Variants in JMJD1C observed in about 807,000 individuals in gnomAD.
JMJD1C encodes the protein jumonji domain containing 1C.
Under a neutral mutation model 245.3 loss-of-function variants are expected in JMJD1C, and 31 were observed. The ratio of observed to expected loss-of-function variants is 0.13; its 90% CI spans 0.09 to 0.17. The LOEUF (loss-of-function observed/expected upper bound fraction) is 0.17, where lower values mean the gene tolerates loss of function less well. Among genes scored for constraint, JMJD1C ranks in the 10% least tolerant of loss-of-function variants. JMJD1C has a pLI of 1.00. For synonymous variants in JMJD1C, 1,057 were observed against 1,017.4 expected, an observed-to-expected ratio of 1.04 and a Z score of -0.74; for missense variants, 2,691 against 3,000.2, an observed-to-expected ratio of 0.90 and a Z score of 2.41.
intron 1 of JMJD1C, among the ~76,000 whole-genome samples, chr10:63,490,735 A>C (rs763591033): frequency 5.3e-5 from 8 of 152,154 alleles, no homozygotes; most frequent in African/African-American, 9.7e-5. Flanking sequence ...TTGCTTGCTT[A>C]TTAACTGTCT....
intron 2 of JMJD1C, among the ~76,000 whole-genome samples, chr10:63,280,280 T>C (rs1217844647): frequency 3.9e-5 from 6 of 152,132 alleles, no homozygotes; most frequent in African/African-American, 1.4e-4. Context: ...CCACACGCGG[T>C]TGCTCACGCC....
chr10:63,504,630 C>T (rs1407950918), intron 1 of JMJD1C, among the ~76,000 whole-genome samples: 1 of 152,114 alleles, frequency 6.6e-6, no homozygotes, highest in Non-Finnish European at 1.5e-5. Context: ...TGTGGGCAAA[C>T]ATGAAATTTA....
chr10:63,320,507 G>A (rs1940722448), intron 2 of JMJD1C, among the ~76,000 whole-genome samples: 1 of 152,116 alleles, frequency 6.6e-6, no homozygotes, highest in Non-Finnish European at 1.5e-5. Context: ...AGACATACAG[G>A]TGGAAAATAC....
chr10:63,300,932 A>G (rs114191131), intron 2 of JMJD1C, among the ~76,000 whole-genome samples: 2,242 of 152,180 alleles, frequency 0.015, 51 homozygotes, highest in African/African-American at 0.051. Context: ...AACCATCTAT[A>G]AATGTTGAAT....
At chr10:63,203,261 T>C in intron 10 of JMJD1C, 1 of 977,066 alleles carries the variant, frequency 1.0e-6, no homozygotes, top group Non-Finnish European at 1.2e-6. Context: ...CAATTCCATA[T>C]ATATATAATT....
At chr10:63,361,076 A>T (rs1945283693) in intron 2 of JMJD1C, among the ~76,000 whole-genome samples, 1 of 152,256 alleles carries the variant, frequency 6.6e-6, no homozygotes, top group Admixed American at 6.5e-5. Context: ...TTATTTTTGA[A>T]TAACTAAATT....
chr10:63,441,620 G>A (rs1361352011), intron 1 of JMJD1C, among the ~76,000 whole-genome samples: 5 of 151,576 alleles, frequency 3.3e-5, no homozygotes, highest in African/African-American at 4.9e-5. Flanking sequence ...TTTACTTAAC[G>A]CCCTCTTCTC....
At chr10:63,463,648 A>G (rs1355414517) in intron 1 of JMJD1C, among the ~76,000 whole-genome samples, 1 of 152,234 alleles carries the variant, frequency 6.6e-6, no homozygotes, top group Admixed American at 6.5e-5. Flanking sequence ...AAATTTTCAA[A>G]TAAAGACAGA....
chr10:63,280,375 C>T (rs554898954), intron 2 of JMJD1C, among the ~76,000 whole-genome samples: 1 of 151,936 alleles, frequency 6.6e-6, no homozygotes, highest in Non-Finnish European at 1.5e-5. Flanking sequence ...TGGTGAAACC[C>T]GGTCTCTACT....
Position 63,215,031 on chromosome 10 carries a change from C to G in JMJD1C, c.1136G>C (p.Ser379Thr). The G allele has an allele frequency of 6.2e-7, 1 of 1,603,744 alleles. No individual in the cohort carries two copies. Residue 379 changes from serine to threonine, a missense_variant, in exon 8 of 26, where the codon AGT becomes ACT. This residue lies in a region of JMJD1C where 1,562 missense variants were observed against 1,490.7 expected (regional missense o/e 1.05). Coordinates refer to ENST00000399262, the MANE Select transcript of JMJD1C (RefSeq NM_032776.3). ...TCTCTTATTTGAATTTTCTGAGTCA[C>G]TGCTCTCAGAAAAGTCTGAAACATT... ...TDNVSDFSES[S>T]DSENSNKRII...
intron 2 of JMJD1C, among the ~76,000 whole-genome samples, chr10:63,365,973 A>G (rs778770144): frequency 6.6e-6 from 1 of 152,190 alleles, no homozygotes; most frequent in Non-Finnish European, 1.5e-5. Flanking sequence ...GTGATTTACA[A>G]TGGGAAGTAC....
intron 1 of JMJD1C, among the ~76,000 whole-genome samples, chr10:63,422,092 C>T (rs1950159655): frequency 6.6e-6 from 1 of 152,054 alleles, no homozygotes; most frequent in Admixed American, 6.6e-5. Context: ...GAGAGAGACA[C>T]CATTTATTAT....
rs750648019 is a variant in JMJD1C, at chr10:63,208,816, C to A, written c.2868-15G>T. ...TTTCTAATTCTCTGTAAAGAAAATA[C>A]ACAAATATTTCTGTAACCACTTTTT... On this transcript the variant is annotated splice_polypyrimidine_tract_variant and intron_variant, in intron 9 of 25. Coordinates refer to ENST00000399262, the MANE Select transcript of JMJD1C (RefSeq NM_032776.3). 12 of 1,546,400 alleles carry A rather than the reference C, an allele frequency of 7.8e-6. No individual in the cohort carries two copies. In the African/African-American group the frequency reaches 1.1e-4, roughly 14 times the overall value.
chr10:63,216,962 A>G (rs534458827), intron 5 of JMJD1C, among the ~76,000 whole-genome samples: 1 of 152,334 alleles, frequency 6.6e-6, no homozygotes, highest in African/African-American at 2.4e-5. Context: ...AATCAATTAA[A>G]AGAGTTTAAT....
chr10:63,474,369 G>T (rs1006555367), intron 1 of JMJD1C, among the ~76,000 whole-genome samples: 1 of 152,132 alleles, frequency 6.6e-6, no homozygotes, highest in Admixed American at 6.5e-5. Context: ...AAGTGTTTTA[G>T]GATGAGAGAG....
At chr10:63,309,336 T>C (rs1938787574) in intron 2 of JMJD1C, among the ~76,000 whole-genome samples, 1 of 150,072 alleles carries the variant, frequency 6.7e-6, no homozygotes, top group South Asian at 2.1e-4. Context: ...CTACTAAAAA[T>C]GCAAAAAATT....
At chr10:63,315,794 T>TGA (rs1055807325) in intron 2 of JMJD1C, among the ~76,000 whole-genome samples, 1 of 142,130 alleles carries the variant, frequency 7.0e-6, no homozygotes, top group African/African-American at 2.7e-5. Flanking sequence ...GACCCAAGAT[T>TGA]GCGCCACTGC....
chr10:63,515,333 T>C (rs939921212), intron 1 of JMJD1C, among the ~76,000 whole-genome samples: 1 of 152,190 alleles, frequency 6.6e-6, no homozygotes, highest in Non-Finnish European at 1.5e-5. Context: ...TTGGTGTATT[T>C]CAAAATGTTT....
At chr10:63,329,260 C>T (rs1021192855) in intron 2 of JMJD1C, among the ~76,000 whole-genome samples, 1 of 146,096 alleles carries the variant, frequency 6.8e-6, no homozygotes, top group African/African-American at 2.5e-5. Flanking sequence ...CCAGCCTAGG[C>T]AACAGGGAGA....
Sources: allele counts gnomAD v4.1 joint callset (sites outside exome capture counted in the v4.1 genomes callset), GRCh38; gene constraint gnomAD v4.1.1; regional missense constraint gnomAD v4.1.1; transcripts MANE v1.5; gene names NCBI Gene and HGNC (gene_info 2026-07-23, HGNC 2026-07-21).